CCDC187: variants seen among roughly 807,000 people sequenced by gnomAD.
CCDC187 encodes the protein coiled-coil domain-containing protein 187.
Under a neutral mutation model 38.0 loss-of-function variants are expected in CCDC187, and 32 were observed. That is an observed-to-expected ratio of 0.84 (90% CI 0.64 to 1.13). The LOEUF (loss-of-function observed/expected upper bound fraction) is 1.13, where lower values mean the gene tolerates loss of function less well. CCDC187 is among the 50% of genes most tolerant of loss of function. The pLI is 0.00. For synonymous variants in CCDC187, 333 were observed against 347.9 expected (o/e 0.96, Z 0.48); for missense variants, 707 against 786.8 (o/e 0.90, Z 1.21).
chr9:136,255,670 G>C lies in CCDC187; in HGVS notation c.4680C>G (p.Ala1560=). The C allele has an allele frequency of 1.0e-6, 1 of 985,368 alleles. No individual in the cohort carries two copies. The highest frequency in any genetic ancestry group is 1.2e-6 in the Non-Finnish European group (1 of 829,888). The allele number at this position is 985,368 out of a possible 1,614,324, so 61.0% of individuals were successfully genotyped here. A position where few individuals can be genotyped will look rare whatever the true frequency, so the allele number is the denominator to read the frequency against. Residue 1560 remains alanine (A), a synonymous_variant, in exon 25 of 26, where the codon GCC becomes GCG. Coordinates refer to ENST00000638797, the MANE Select transcript of CCDC187 (RefSeq NM_001378188.1). ...ISSTWLEAAQ[A]AASPAAPVVP... ...CTGGGGCATTACCTGGGGAGGCAGC[G>C]GCCTGGGCAGCCTCCAGCCAGGTGG... is the stretch of plus-strand genomic sequence containing the variant.
At chr9:136,277,953 C>T (rs1383300705) in intron 10 of CCDC187, among the ~76,000 whole-genome samples, 1 of 152,172 alleles carries the variant, frequency 6.6e-6, no homozygotes, top group Non-Finnish European at 1.5e-5. Context: ...TAAGCCGGTT[C>T]CTGGGCGTTT....
chr9:136,254,780 C>T lies in CCDC187; in HGVS notation c.5048G>A (p.Trp1683Ter). ...SSGEAGLPLSWRSNQGEPRPG... is the reference protein window; with the variant it reads ...SSGEAGLPLS Reference sequence around the variant, plus strand: ...CCGAGGCTCACCCTGGTTTGACCGCCAGGACAAAGGCAGGCCAGCTTCCCC... The same window carrying T: ...CCGAGGCTCACCCTGGTTTGACCGCTAGGACAAAGGCAGGCCAGCTTCCCC... The change falls in exon 26 of 26, where the codon TGG becomes TAG. Residue 1683 changes from tryptophan (W) to a stop codon, truncating the protein, a stop_gained. Transcript: ENST00000638797. LOFTEE classifies it low-confidence loss of function (END_TRUNC). 1.0e-6 allele frequency: 1 copy of T among 985,552 alleles called. No individual in the cohort carries two copies. The highest frequency in any genetic ancestry group is 1.2e-6 in the Non-Finnish European group (1 of 830,020). 61.1% of individuals were successfully genotyped at this position (985,552 alleles called of 1,614,324 possible).
chr9:136,300,385 G>C (rs1241702084), intron 2 of CCDC187, 67 bp from the exon 3 acceptor site: 1 of 397,506 alleles, frequency 2.5e-6, no homozygotes. Context: ...CCAAGAAAAG[G>C]TTCCAGTTTG....
At chr9:136,302,194 A>G (rs1236443972) in intron 2 of CCDC187, among the ~76,000 whole-genome samples, 1 of 152,176 alleles carries the variant, frequency 6.6e-6, no homozygotes, top group Admixed American at 6.5e-5. Flanking sequence ...TCTCAAAAAA[A>G]TAAAAAATAA....
rs782257437 is a variant in CCDC187, at chr9:136,253,631, A to C, written c.6197T>G (p.Leu2066Arg). 200 of 985,420 alleles carry C rather than the reference A, an allele frequency of 2.0e-4. No individual in the cohort carries two copies. Among genetic ancestry groups the C allele is most frequent in the Non-Finnish European group, 2.3e-4 (193 of 830,008 alleles). 61.0% of individuals were successfully genotyped at this position (985,420 alleles called of 1,614,324 possible). ...SLSEESLPEG[L>R]FPGPQGSAGT... ...CGCCGACCCCTGGGGCCCAGGAAAC[A>C]GTCCCTCCGGCAGACTCTCCTCAGA... is the stretch of plus-strand genomic sequence containing the variant. Residue 2066 changes from leucine (L) to arginine (R), a missense_variant, in exon 26 of 26, where the codon CTG becomes CGG. Leu to Arg is a moderately radical substitution (Grantham distance 102). Transcript: ENST00000638797.
At chr9:136,277,960 G>A (rs949366243) in intron 10 of CCDC187, among the ~76,000 whole-genome samples, 6 of 152,188 alleles carry the variant, frequency 3.9e-5, no homozygotes, top group African/African-American at 7.2e-5. Context: ...GTTCCTGGGC[G>A]TTTCCACAGC....
chr9:136,277,452 G>A (rs1482127848), intron 10 of CCDC187, among the ~76,000 whole-genome samples: 6 of 100,228 alleles, frequency 6.0e-5, no homozygotes, highest in Non-Finnish European at 1.3e-4. Context: ...CAGATGGGGT[G>A]GGCGGGTGCT....
chr9:136,270,553 G>T (rs535971939), intron 14 of CCDC187, among the ~76,000 whole-genome samples: 8 of 152,354 alleles, frequency 5.3e-5, no homozygotes, highest in Admixed American at 5.2e-4. Context: ...GGAACCAGGA[G>T]TATGGGAGGA....
intron 9 of CCDC187, among the ~76,000 whole-genome samples, chr9:136,283,215 C>T (rs1009396437): frequency 3.3e-5 from 5 of 152,220 alleles, no homozygotes; most frequent in Non-Finnish European, 7.3e-5. Context: ...AGCCATTGCA[C>T]TCCAGCCTCG....
chr9:136,293,465 T>TCACATGCTCACACACTCACAAA (rs1248235073), intron 4 of CCDC187, among the ~76,000 whole-genome samples: 3 of 48,226 alleles, frequency 6.2e-5, no homozygotes, highest in Non-Finnish European at 9.2e-5. Flanking sequence ...ACACTCACAC[T>TCACATGCTCACACACTCACAAA]CACATGCTCA....
intron 10 of CCDC187, among the ~76,000 whole-genome samples, chr9:136,278,741 C>T (rs1238242895): frequency 6.6e-6 from 1 of 152,206 alleles, no homozygotes; most frequent in Non-Finnish European, 1.5e-5. Flanking sequence ...AGTTTGAGAG[C>T]CAGGGCCCTG....
intron 9 of CCDC187, among the ~76,000 whole-genome samples, chr9:136,285,252 G>A (rs1831146947): frequency 6.6e-6 from 1 of 152,120 alleles, no homozygotes; most frequent in South Asian, 2.1e-4. Flanking sequence ...GCGTCCCCGA[G>A]GCCCGCAGCC....
At position 136,268,064 on chromosome 9, in the gene CCDC187, G is replaced by A. The variant is rs115143591; in HGVS notation, c.3504C>T (p.Asp1168=). ...CTCCACGTACCTGGTGGGTGGGGTT[G>A]TCCGGAGGGAAGAACTTGGCCAGGG... ...QLPLAKFFPP[D]NPTHQMLERS... Residue 1168 remains aspartate, a synonymous_variant, in exon 15 of 26, where the codon GAC becomes GAT. Transcript: ENST00000638797. 1,760 of 985,538 alleles carry A rather than the reference G, an allele frequency of 1.8e-3. 34 individuals carry two copies. The African/African-American group carries it at 0.028, about 16-fold the overall frequency. The allele number at this position is 985,538 out of a possible 1,614,324, so 61.0% of individuals were successfully genotyped here.
chr9:136,265,181 C>T (rs781956766), intron 17 of CCDC187, among the ~76,000 whole-genome samples: 6 of 152,198 alleles, frequency 3.9e-5, no homozygotes, highest in Non-Finnish European at 8.8e-5. Flanking sequence ...GGGCAGGGGC[C>T]GGCAAGGGTC....
chr9:136,254,773 T>C lies in CCDC187; in HGVS notation c.5055A>G (p.Ser1685=). Residue 1685 remains serine (S), a synonymous_variant, in exon 26 of 26, where the codon TCA becomes TCG. Transcript: ENST00000638797. The part of the protein sequence containing the change: ...GEAGLPLSWR[S]NQGEPRPGSA... Reference sequence around the variant, plus strand: ...TGCCTGGCCGAGGCTCACCCTGGTTTGACCGCCAGGACAAAGGCAGGCCAG... The same window carrying C: ...TGCCTGGCCGAGGCTCACCCTGGTTCGACCGCCAGGACAAAGGCAGGCCAG... 1 of 985,530 alleles carries C rather than the reference T, an allele frequency of 1.0e-6. No individual in the cohort carries two copies. Among genetic ancestry groups the C allele is most frequent in the South Asian group, 4.7e-5 (1 of 21,286 alleles). The allele number at this position is 985,530 out of a possible 1,614,324, so 61.0% of individuals were successfully genotyped here. A position where few individuals can be genotyped will look rare whatever the true frequency, so the allele number is the denominator to read the frequency against.
chr9:136,276,766 C>G (rs1466843542), intron 10 of CCDC187, 39 bp from the exon 11 acceptor site: 1 of 152,226 alleles, frequency 6.6e-6, no homozygotes, highest in African/African-American at 2.4e-5. Flanking sequence ...GTGGCCCAGG[C>G]CGCTCTCCCG....
intron 7 of CCDC187, among the ~76,000 whole-genome samples, chr9:136,287,690 C>T (rs1390835197): frequency 6.6e-6 from 1 of 152,210 alleles, no homozygotes; most frequent in Non-Finnish European, 1.5e-5. Flanking sequence ...TGAGACCAAA[C>T]CCCTGGTGTT....
Position 136,254,610 on chromosome 9 carries a change from G to A in CCDC187, c.5218C>T (p.Leu1740=). The change falls in exon 26 of 26, where the codon CTG becomes TTG. Residue 1740 remains leucine, a synonymous_variant. Coordinates refer to ENST00000638797, the MANE Select transcript of CCDC187 (RefSeq NM_001378188.1). ...PEQSPKAGWL[L]PFPDIPSPRS... is the part of the protein sequence containing the mutation. The stretch of plus-strand genomic sequence containing the variant: ...GGAGAGGGGATGTCTGGGAAAGGCA[G>A]TAGCCAGCCTGCCTTTGGGCTTTGC... 1.0e-6 allele frequency: 1 copy of A among 985,584 alleles called. No individual in the cohort carries two copies. Among genetic ancestry groups the A allele is most frequent in the Non-Finnish European group, 1.2e-6 (1 of 830,030 alleles). The allele number at this position is 985,584 out of a possible 1,614,324, so 61.1% of individuals were successfully genotyped here. A position where few individuals can be genotyped will look rare whatever the true frequency, so the allele number is the denominator to read the frequency against.
chr9:136,266,357 G>C (rs1830748863), intron 16 of CCDC187: 1 of 152,274 alleles, frequency 6.6e-6, no homozygotes, highest in Admixed American at 6.5e-5. Flanking sequence ...CCTCTGGGGA[G>C]GGAGGTGGGG....
Sources: gnomAD v4.1 joint callset for allele counts (sites outside exome capture counted in the v4.1 genomes callset) on GRCh38, gnomAD v4.1.1 for gene constraint, MANE v1.5 for transcripts, NCBI Gene and HGNC (gene_info 2026-07-23, HGNC 2026-07-21) for gene names.